PELI2: variants seen among roughly 807,000 people sequenced by gnomAD.
The protein encoded by PELI2 is pellino E3 ubiquitin protein ligase family member 2.
A neutral mutation model predicts 42.3 loss-of-function variants in PELI2; 23 were observed. That is an observed-to-expected ratio of 0.54 (90% CI 0.39 to 0.77). PELI2 has a LOEUF of 0.77. Ranked by LOEUF, PELI2 falls within the 30% of genes least tolerant of loss-of-function variation. PELI2 has a pLI of 0.00. For missense variants in PELI2, 463 were observed against 553.2 expected (o/e 0.84, Z 1.64); for synonymous variants, 245 against 212.2 (o/e 1.15, Z -1.34).
At chr14:56,129,012 G>A (rs907328520) in intron 1 of PELI2, among the ~76,000 whole-genome samples, 19 of 152,122 alleles carry the variant, frequency 1.2e-4, no homozygotes, top group African/African-American at 4.6e-4. Context: ...AGGTTGAGGG[G>A]CTGAGAGGCT....
intron 1 of PELI2, among the ~76,000 whole-genome samples, chr14:56,134,770 G>C (rs1951955): frequency 6.7e-6 from 1 of 148,360 alleles, no homozygotes; most frequent in Non-Finnish European, 1.5e-5. Flanking sequence ...AATCTTGTCA[G>C]TAAACTATTT....
chr14:56,202,334 G>C (rs1886358635), intron 2 of PELI2, among the ~76,000 whole-genome samples: 1 of 123,944 alleles, frequency 8.1e-6, no homozygotes, highest in African/African-American at 2.6e-5. Flanking sequence ...TTTAAGAGTT[G>C]CTTTTTTTCC....
chr14:56,267,412 G>A (rs1002537012), intron 2 of PELI2, among the ~76,000 whole-genome samples: 2 of 152,150 alleles, frequency 1.3e-5, no homozygotes, highest in African/African-American at 4.8e-5. Context: ...AAGAAGTTCA[G>A]TTTAATGATG....
rs142453288 is a variant in PELI2 at position 56,240,657 on chromosome 14, C to G, written c.208-39019C>G. 7.5e-3 allele frequency among the ~76,000 whole-genome samples: 1,140 copies of G among 152,156 alleles called. 11 individuals carry two copies. The highest frequency in any genetic ancestry group is 0.026 in the African/African-American group (1,074 of 41,502). On this transcript the variant is annotated intron_variant, in intron 2 of 5. Transcript: ENST00000267460. ...CTTTAAGACAGGCCATGTTTGAATG[C>G]CAACCTAAGAAGCCAGGGAAGAGGA... is the stretch of plus-strand genomic sequence containing the variant.
chr14:56,241,915 C>T (rs1887990035), intron 2 of PELI2, among the ~76,000 whole-genome samples: 1 of 152,148 alleles, frequency 6.6e-6, no homozygotes, highest in African/African-American at 2.4e-5. Context: ...TATAAGGATA[C>T]ACTCCACTAA....
chr14:56,264,692 G>C (rs148128751), intron 2 of PELI2, among the ~76,000 whole-genome samples: 1 of 152,114 alleles, frequency 6.6e-6, no homozygotes, highest in Non-Finnish European at 1.5e-5. Context: ...TTAGTGTTTC[G>C]TTATAAAGAT....
rs181672458 is a variant in PELI2 at position 56,161,422 on chromosome 14, G to A, written c.78-16913G>A. Among the ~76,000 whole-genome samples the A allele has an allele frequency of 1.3e-4, 20 of 151,926 alleles. No homozygotes were observed. The East Asian group carries it at 3.7e-3, about 28-fold the overall frequency. Reference sequence around the variant, plus strand: ...CCCAAGTAGCTGGGACTACAGGTACGCGCCACCACACCCAGCTAAGTTTTG... The same window carrying A: ...CCCAAGTAGCTGGGACTACAGGTACACGCCACCACACCCAGCTAAGTTTTG... On this transcript the variant is annotated intron_variant, in intron 1 of 5. Transcript: ENST00000267460.
intron 2 of PELI2, among the ~76,000 whole-genome samples, chr14:56,278,169 G>C (rs1052115165): frequency 6.6e-6 from 1 of 152,114 alleles, no homozygotes; most frequent in Non-Finnish European, 1.5e-5. Flanking sequence ...AGTTTTATAA[G>C]TTTGAGTTTA....
chr14:56,148,040 A>G (rs1489085256), intron 1 of PELI2, among the ~76,000 whole-genome samples: 2 of 152,228 alleles, frequency 1.3e-5, no homozygotes, highest in Non-Finnish European at 2.9e-5. Context: ...TCAGCACCAG[A>G]TCGTTATCTT....
chr14:56,300,333 A>T lies in PELI2; in HGVS notation c.*3167A>T, dbSNP rs1448722618. 1.3e-5 allele frequency: 2 copies of T among 152,626 alleles called. No homozygotes were observed. The highest frequency in any genetic ancestry group is 2.9e-5 in the Non-Finnish European group (2 of 68,038). The allele number at this position is 152,626 out of a possible 1,614,324, so 9.5% of individuals were successfully genotyped here. A position where few individuals can be genotyped will look rare whatever the true frequency, so the allele number is the denominator to read the frequency against. ...AAATATGTCAGAAACTGGCATAAACATGATTGTAGTAGAATTTATTTTCCA... is the reference window on the plus strand; with the variant it reads ...AAATATGTCAGAAACTGGCATAAACTTGATTGTAGTAGAATTTATTTTCCA... On this transcript the variant is annotated 3_prime_UTR_variant, in exon 6 of 6. Coordinates refer to ENST00000267460, the MANE Select transcript of PELI2 (RefSeq NM_021255.3).
chr14:56,125,504 A>G (rs958889783), intron 1 of PELI2, among the ~76,000 whole-genome samples: 1 of 152,064 alleles, frequency 6.6e-6, no homozygotes, highest in South Asian at 2.1e-4. Context: ...AGCTTTTCCG[A>G]GAAAATAGTC....
At chr14:56,118,849 G>A in intron 1 of PELI2, 112 bp downstream of exon 1, 2 of 617,314 alleles carry the variant, frequency 3.2e-6, no homozygotes, top group African/African-American at 1.9e-5. Context: ...CGGGGCGCTC[G>A]GGGCGGCAGG....
chr14:56,180,725 C>T lies in PELI2; in HGVS notation c.207+2261C>T, dbSNP rs1885547801. Among the ~76,000 whole-genome samples the T allele has an allele frequency of 6.6e-6, 1 of 151,952 alleles. No individual in the cohort carries two copies. The highest frequency in any genetic ancestry group is 1.5e-5 in the Non-Finnish European group (1 of 67,976). On this transcript the variant is annotated intron_variant, in intron 2 of 5. Coordinates refer to ENST00000267460, the MANE Select transcript of PELI2 (RefSeq NM_021255.3). The surrounding 1 kb of genome is among the most constrained non-coding windows in gnomAD (Gnocchi z 4.4). ...TGTTGGCACCTTCTACCTTGGCGCC[C>T]CCCATCTACCTCTTCCGCCCCTTAC...
chr14:56,156,086 A>C (rs935993689), intron 1 of PELI2, among the ~76,000 whole-genome samples: 1 of 152,142 alleles, frequency 6.6e-6, no homozygotes, highest in African/African-American at 2.4e-5. Flanking sequence ...TTTATCTTTA[A>C]TTACGTGAAA....
At chr14:56,176,998 C>T (rs1049917192) in intron 1 of PELI2, among the ~76,000 whole-genome samples, 5 of 152,092 alleles carry the variant, frequency 3.3e-5, no homozygotes, top group East Asian at 1.9e-4. Flanking sequence ...ATCACAAACA[C>T]GTTTAAGAAA....
In PELI2 at chr14:56,131,031, CTGTTA is replaced by C. The variant is rs551279154; in HGVS notation, c.77+12299_77+12303del. ...CTATCTTTGCCTGGGACTAACGTCG[CTGTTA>C]TGTTGATTTTTCCTTTCTTGTCTTT... On this transcript the variant is annotated intron_variant, in intron 1 of 5. Coordinates refer to ENST00000267460, the MANE Select transcript of PELI2 (RefSeq NM_021255.3). 6.0e-3 allele frequency among the ~76,000 whole-genome samples: 920 copies of C among 152,304 alleles called. 5 individuals are homozygous for C. The highest frequency in any genetic ancestry group is 0.011 in the Non-Finnish European group (751 of 68,014).
At chr14:56,206,373 C>T (rs1238810088) in intron 2 of PELI2, among the ~76,000 whole-genome samples, 1 of 152,194 alleles carries the variant, frequency 6.6e-6, no homozygotes, top group Non-Finnish European at 1.5e-5. Context: ...ATCTCTTCTA[C>T]CTGTCCCAAC....
intron 2 of PELI2, among the ~76,000 whole-genome samples, chr14:56,234,304 A>G (rs954973270): frequency 3.9e-5 from 6 of 152,244 alleles, no homozygotes; most frequent in African/African-American, 1.4e-4. Context: ...ATACACACGT[A>G]TGTTTATTGT....
chr14:56,150,470 A>AT lies in PELI2; in HGVS notation c.78-27855dup, dbSNP rs1055474230. On this transcript the variant is annotated intron_variant, in intron 1 of 5. Transcript: ENST00000267460. ...CTCAGTAGTCACTTTAAGATAAGTGATTTTTTTTTTCAGGCTAGCCTATAT... is the reference window on the plus strand; with the variant it reads ...CTCAGTAGTCACTTTAAGATAAGTGATTTTTTTTTTTCAGGCTAGCCTATAT... Among the ~76,000 whole-genome samples the AT allele has an allele frequency of 1.2e-3, 177 of 150,370 alleles. 1 individual carries two copies. Among genetic ancestry groups the AT allele is most frequent in the African/African-American group, 3.1e-3 (127 of 40,942 alleles).
Sources: allele counts gnomAD v4.1 joint callset (sites outside exome capture counted in the v4.1 genomes callset), GRCh38; gene constraint gnomAD v4.1.1; non-coding constraint Gnocchi (gnomAD v3.1); transcripts MANE v1.5; gene names NCBI Gene and HGNC (gene_info 2026-07-23, HGNC 2026-07-21).